The following GAS7 variants were observed in gnomAD, a reference collection of about 807,000 sequenced individuals.
GAS7 encodes growth arrest-specific protein 7.
In GAS7, 28 loss-of-function variants were observed where a neutral mutation model predicts 71.1. The ratio of observed to expected loss-of-function variants is 0.39; its 90% CI spans 0.29 to 0.54. The LOEUF (loss-of-function observed/expected upper bound fraction) is 0.54, where lower values mean the gene tolerates loss of function less well. GAS7 is among the 20% of genes least tolerant of loss of function. The pLI is 0.62. For synonymous variants in GAS7, 258 were observed against 245.8 expected (o/e 1.05, Z -0.46); for missense variants, 436 against 627.8 (o/e 0.69, Z 3.27).
intron 1 of GAS7, among the ~76,000 whole-genome samples, chr17:10,144,080 G>A (rs1365560252): frequency 6.6e-6 from 1 of 152,208 alleles, no homozygotes; most frequent in Admixed American, 6.5e-5. Flanking sequence ...AGGGAACGGG[G>A]GACTCGGAGC....
intron 9 of GAS7, among the ~76,000 whole-genome samples, chr17:9,928,742 C>T (rs567329423): frequency 6.2e-4 from 95 of 152,340 alleles, no homozygotes; most frequent in African/African-American, 2.2e-3. Flanking sequence ...CTGACTTACA[C>T]GGGGCTGGGA....
intron 1 of GAS7, among the ~76,000 whole-genome samples, chr17:10,124,211 C>T (rs2073927167): frequency 6.6e-6 from 1 of 152,212 alleles, no homozygotes; most frequent in Admixed American, 6.5e-5. Flanking sequence ...TTGCACTCAA[C>T]AAGAAAAGGC....
chr17:10,095,785 G>A (rs1303732115), intron 1 of GAS7, among the ~76,000 whole-genome samples: 4 of 147,008 alleles, frequency 2.7e-5, no homozygotes, highest in Admixed American at 6.8e-5. Context: ...CCTGGTGACA[G>A]AGCGAGACTC....
intron 1 of GAS7, among the ~76,000 whole-genome samples, chr17:10,063,306 G>A (rs2073240746): frequency 6.6e-6 from 1 of 152,226 alleles, no homozygotes; most frequent in Non-Finnish European, 1.5e-5. Flanking sequence ...CTGTGTGTGT[G>A]TGTGCGTGCG....
At chr17:10,197,782 C>A (rs1034313022) in intron 1 of GAS7, among the ~76,000 whole-genome samples, 11 of 152,230 alleles carry the variant, frequency 7.2e-5, no homozygotes, top group Non-Finnish European at 1.3e-4. Context: ...GCTCTAGACT[C>A]CGGGGTGGAG....
chr17:10,050,414 C>A (rs982525017), intron 1 of GAS7, among the ~76,000 whole-genome samples: 1 of 152,194 alleles, frequency 6.6e-6, no homozygotes, highest in Non-Finnish European at 1.5e-5. Flanking sequence ...TACAGATGGA[C>A]AAACTGAGGC....
At chr17:9,956,906 G>A (rs946238788) in intron 5 of GAS7, among the ~76,000 whole-genome samples, 2 of 152,178 alleles carry the variant, frequency 1.3e-5, no homozygotes, top group African/African-American at 4.8e-5. Context: ...CATGAACTCT[G>A]GAGGATCAGA....
rs184495891 is a variant in GAS7 at position 9,931,246 on chromosome 17, T to G, written c.885+2920A>C. Among the ~76,000 whole-genome samples the G allele has an allele frequency of 7.5e-4, 114 of 152,314 alleles. 1 individual carries two copies. The highest frequency in any genetic ancestry group is 2.7e-3 in the African/African-American group (111 of 41,568). The stretch of plus-strand genomic sequence containing the variant: ...CCACCTCTTCTCACTGTGAAATGTG[T>G]ATGCTATCTCGCGTGGTGGTTGACG... On this transcript the variant is annotated intron_variant, in intron 9 of 13. Coordinates refer to ENST00000432992, the MANE Select transcript of GAS7 (RefSeq NM_201433.2).
At chr17:10,172,712 G>A (rs559483165) in intron 1 of GAS7, among the ~76,000 whole-genome samples, 30 of 152,334 alleles carry the variant, frequency 2.0e-4, no homozygotes, top group Middle Eastern at 3.4e-3. Context: ...ACCCATTTAG[G>A]AAATGAGCAA....
At chr17:10,080,074 G>A (rs1037379729) in intron 1 of GAS7, among the ~76,000 whole-genome samples, 5 of 152,182 alleles carry the variant, frequency 3.3e-5, no homozygotes, top group African/African-American at 1.2e-4. Flanking sequence ...CACAGGATGA[G>A]ATAGGAGGTG....
chr17:10,130,168 C>CAA (rs531238905), intron 1 of GAS7, among the ~76,000 whole-genome samples: 1 of 82,930 alleles, frequency 1.2e-5, no homozygotes, highest in African/African-American at 4.4e-5. Flanking sequence ...GACTCAGCCT[C>CAA]AAAAAAAAAA....
chr17:10,031,011 C>A (rs1011427592), intron 1 of GAS7, among the ~76,000 whole-genome samples: 1 of 152,230 alleles, frequency 6.6e-6, no homozygotes, highest in Admixed American at 6.5e-5. Flanking sequence ...CCTCTGTCCA[C>A]GAAGTGGCAA....
At chr17:10,081,500 G>A (rs373785023) in intron 1 of GAS7, among the ~76,000 whole-genome samples, 5 of 152,084 alleles carry the variant, frequency 3.3e-5, no homozygotes, top group Admixed American at 1.3e-4. Flanking sequence ...TAAAGTAATC[G>A]ATTAATAAAT....
intron 2 of GAS7, among the ~76,000 whole-genome samples, chr17:10,005,264 CATGT>C (rs1406137609): frequency 4.0e-5 from 6 of 151,174 alleles, no homozygotes; most frequent in African/African-American, 9.8e-5. Context: ...TGCACACATA[CATGT>C]ATGTATATGT....
chr17:10,127,430 G>A (rs780042078), intron 1 of GAS7, among the ~76,000 whole-genome samples: 39 of 152,112 alleles, frequency 2.6e-4, no homozygotes, highest in Non-Finnish European at 4.9e-4. Flanking sequence ...ATTGCACACC[G>A]AGTCCACGGC....
At chr17:9,961,110 G>A (rs1036770648) in intron 4 of GAS7, among the ~76,000 whole-genome samples, 13 of 136,924 alleles carry the variant, frequency 9.5e-5, no homozygotes, top group South Asian at 7.1e-4. Flanking sequence ...GAGATACATG[G>A]ATCTGATCTA....
chr17:9,940,311 T>C, intron 7 of GAS7, 111 bp from the exon 8 acceptor site: 1 of 778,812 alleles, frequency 1.3e-6, no homozygotes, highest in South Asian at 1.4e-5. Flanking sequence ...GACCATAAGC[T>C]CTGAGACCAC....
At chr17:10,153,644 A>T (rs2074184259) in intron 1 of GAS7, among the ~76,000 whole-genome samples, 1 of 152,216 alleles carries the variant, frequency 6.6e-6, no homozygotes, top group African/African-American at 2.4e-5. Context: ...TTGTTCTTTT[A>T]AATTATTTAC....
intron 1 of GAS7, among the ~76,000 whole-genome samples, chr17:10,127,796 T>G (rs1166558954): frequency 6.6e-6 from 1 of 152,086 alleles, no homozygotes; most frequent in Non-Finnish European, 1.5e-5. Flanking sequence ...GAGAGGAATC[T>G]CTGAGTAAAT....
Sources: gnomAD v4.1 joint callset for allele counts (sites outside exome capture counted in the v4.1 genomes callset) on GRCh38, gnomAD v4.1.1 for gene constraint, MANE v1.5 for transcripts, NCBI Gene and HGNC (gene_info 2026-07-23, HGNC 2026-07-21) for gene names.